LRMDA: variants seen among roughly 807,000 people sequenced by gnomAD.
LRMDA encodes the protein leucine rich melanocyte differentiation associated.
A neutral mutation model predicts 29.8 loss-of-function variants in LRMDA; 18 were observed. The observed-to-expected ratio is 0.60, with a 90% CI of 0.42 to 0.90. The LOEUF is 0.90. Ranked by LOEUF, LRMDA falls within the 40% of genes least tolerant of loss-of-function variation. LRMDA has a pLI of 0.00. For synonymous variants in LRMDA, 125 were observed against 109.4 expected, an observed-to-expected ratio of 1.14 and a Z score of -0.89; for missense variants, 273 against 273.9, an observed-to-expected ratio of 1.00 and a Z score of 0.02.
chr10:76,158,750 AT>A (rs1850589253), intron 5 of LRMDA, among the ~76,000 whole-genome samples: 1 of 152,132 alleles, frequency 6.6e-6, no homozygotes, highest in Non-Finnish European at 1.5e-5. Context: ...AGGACAATTA[AT>A]TTAGTGGTAG....
At chr10:75,711,100 T>C (rs184638273) in intron 2 of LRMDA, among the ~76,000 whole-genome samples, 84 of 152,354 alleles carry the variant, frequency 5.5e-4, no homozygotes, top group African/African-American at 1.9e-3. Context: ...TATTAAAACA[T>C]CAATCTCAAA....
intron 6 of LRMDA, among the ~76,000 whole-genome samples, chr10:76,441,169 G>A (rs1363017343): frequency 1.3e-5 from 2 of 152,094 alleles, no homozygotes; most frequent in African/African-American, 2.4e-5. Context: ...TCTTGGGAAG[G>A]CCTCTCTCTC....
intron 2 of LRMDA, among the ~76,000 whole-genome samples, chr10:75,758,124 C>T (rs1448947864): frequency 6.6e-6 from 1 of 152,170 alleles, no homozygotes; most frequent in Non-Finnish European, 1.5e-5. Flanking sequence ...TTATTGAGCC[C>T]TGGTGAGGCA....
At chr10:75,725,534 G>A (rs1842621246) in intron 2 of LRMDA, among the ~76,000 whole-genome samples, 1 of 152,182 alleles carries the variant, frequency 6.6e-6, no homozygotes, top group Admixed American at 6.5e-5. Context: ...GAGTAGCGTT[G>A]TGTAAATCAC....
chr10:76,525,987 C>A (rs1415911564), intron 6 of LRMDA, among the ~76,000 whole-genome samples: 2 of 152,128 alleles, frequency 1.3e-5, no homozygotes, highest in Non-Finnish European at 2.9e-5. Context: ...CCCCAACTGG[C>A]TGATAATGAA....
intron 2 of LRMDA, among the ~76,000 whole-genome samples, chr10:75,649,901 T>C (rs1044984307): frequency 2.0e-5 from 3 of 152,332 alleles, no homozygotes; most frequent in Middle Eastern, 6.8e-3. Context: ...CATGTACTTA[T>C]TGGCCATATG....
At chr10:76,532,555 C>T (rs1409142810) in intron 6 of LRMDA, among the ~76,000 whole-genome samples, 2 of 152,184 alleles carry the variant, frequency 1.3e-5, no homozygotes, top group Middle Eastern at 3.2e-3. Context: ...AAATGCTTGA[C>T]TGTGCTGCAG....
intron 2 of LRMDA, among the ~76,000 whole-genome samples, chr10:75,836,528 C>T (rs1844440017): frequency 6.6e-6 from 1 of 152,150 alleles, no homozygotes; most frequent in Non-Finnish European, 1.5e-5. Flanking sequence ...GAAAAGCAGT[C>T]CCTCTGGTAG....
intron 2 of LRMDA, among the ~76,000 whole-genome samples, chr10:75,988,797 C>T (rs2132457029): frequency 6.6e-6 from 1 of 152,298 alleles, no homozygotes; most frequent in East Asian, 1.9e-4. Flanking sequence ...AAGCCTCCTC[C>T]CTGGCCCTGG....
chr10:76,047,411 G>A (rs1253939883), intron 4 of LRMDA, 108 bp downstream of exon 4: 18 of 1,142,534 alleles, frequency 1.6e-5, no homozygotes, highest in Non-Finnish European at 4.7e-6. Context: ...ATATCAGTGG[G>A]TTTCCCATGA....
At chr10:76,452,771 A>C (rs1197250019) in intron 6 of LRMDA, among the ~76,000 whole-genome samples, 1 of 152,212 alleles carries the variant, frequency 6.6e-6, no homozygotes, top group East Asian at 1.9e-4. Context: ...CAAAATGTTT[A>C]TGTATTTGTT....
intron 5 of LRMDA, among the ~76,000 whole-genome samples, chr10:76,160,516 T>C (rs1850626101): frequency 6.6e-6 from 1 of 152,066 alleles, no homozygotes; most frequent in East Asian, 1.9e-4. Context: ...TCAAAAAAAA[T>C]TTGCTTGGGA....
At chr10:76,340,725 A>T (rs1037479880) in intron 6 of LRMDA, among the ~76,000 whole-genome samples, 1 of 152,120 alleles carries the variant, frequency 6.6e-6, no homozygotes, top group Admixed American at 6.5e-5. Context: ...GAGAAGGACT[A>T]TTCTACATTC....
intron 2 of LRMDA, among the ~76,000 whole-genome samples, chr10:75,504,981 G>A (rs1416238957): frequency 6.6e-6 from 1 of 152,098 alleles, no homozygotes; most frequent in Non-Finnish European, 1.5e-5. Flanking sequence ...GCAGTGAGAT[G>A]GAGTACAGAG....
intron 2 of LRMDA, among the ~76,000 whole-genome samples, chr10:75,753,236 G>A (rs182702005): frequency 5.6e-4 from 85 of 152,272 alleles, no homozygotes; most frequent in Non-Finnish European, 9.0e-4. Flanking sequence ...GGCACTCACT[G>A]GACTAGTTGA....
intron 2 of LRMDA, among the ~76,000 whole-genome samples, chr10:75,751,304 G>A (rs1044543478): frequency 6.6e-6 from 1 of 151,942 alleles, no homozygotes; most frequent in South Asian, 2.1e-4. Flanking sequence ...GGGAGACTGT[G>A]GAGAGAGAGG....
intron 2 of LRMDA, among the ~76,000 whole-genome samples, chr10:75,447,868 G>A (rs1844412516): frequency 6.6e-6 from 1 of 152,196 alleles, no homozygotes. Context: ...CAGCCTGGGT[G>A]ACAGAGCAAG....
intron 5 of LRMDA, among the ~76,000 whole-genome samples, chr10:76,069,862 G>C (rs1173935171): frequency 6.6e-6 from 1 of 152,040 alleles, no homozygotes; most frequent in African/African-American, 2.4e-5. Context: ...CTGTTTTTCT[G>C]GGGAGGTTTT....
At chr10:76,099,156 A>G (rs1333096568) in intron 5 of LRMDA, among the ~76,000 whole-genome samples, 1 of 152,238 alleles carries the variant, frequency 6.6e-6, no homozygotes, top group African/African-American at 2.4e-5. Flanking sequence ...TCCTACCTAC[A>G]AAGGCCATCT....
Sources: allele counts gnomAD v4.1 joint callset (sites outside exome capture counted in the v4.1 genomes callset), GRCh38; gene constraint gnomAD v4.1.1; transcripts MANE v1.5; gene names NCBI Gene and HGNC (gene_info 2026-07-23, HGNC 2026-07-21).